H3C8: variants seen among roughly 807,000 people sequenced by gnomAD.
H3C8 encodes H3 clustered histone 8.
In H3C8, 15 loss-of-function variants were observed where a neutral mutation model predicts 7.9. The observed-to-expected ratio is 1.90, with a 90% CI of 1.27 to 2.93. The LOEUF (loss-of-function observed/expected upper bound fraction) is 2.93. Among genes scored for constraint, H3C8 ranks in the 30% most tolerant of loss-of-function variants. The pLI is 0.00. For synonymous variants in H3C8, 143 were observed against 77.6 expected (o/e 1.84, Z -4.43); for missense variants, 230 against 190.4 (o/e 1.21, Z -1.23).
At position 26,271,313 on chromosome 6, in the gene H3C8, C is replaced by T; in HGVS notation, c.72G>A (p.Lys24=). 1 of 1,614,018 alleles carries T rather than the reference C, an allele frequency of 6.2e-7. No individual in the cohort carries two copies. Among genetic ancestry groups the T allele is most frequent in the East Asian group, 2.2e-5 (1 of 44,880 alleles). The change falls in exon 1 of 1, where the codon AAG becomes AAA. Residue 24 remains lysine (K), a synonymous_variant. Transcript: ENST00000614378. The stretch of plus-strand genomic sequence containing the variant: ...TGGCCGGCGCGCTTTTCCGAGCCGC[C>T]TTAGTGGCCAGCTGCTTGCGCGGCG... ...GKAPRKQLAT[K]AARKSAPATG...
At position 26,271,017 on chromosome 6, in the gene H3C8, T is replaced by C. The variant is rs761320390; in HGVS notation, c.368A>G (p.Lys123Arg). Residue 123 changes from lysine to arginine, a missense_variant, in exon 1 of 1, where the codon AAG becomes AGG. Physicochemically the swap from Lys to Arg is conservative, Grantham distance 26. Transcript: ENST00000614378. ...IHAKRVTIMP[K>R]DIQLARRIRG... ...AATGCGGCGAGCGAGCTGAATGTCC[T>C]TGGGCATGATAGTCACTCGCTTAGC... 1.4e-5 allele frequency: 23 copies of C among 1,614,104 alleles called. No individual in the cohort carries two copies. The highest frequency in any genetic ancestry group is 1.9e-5 in the Non-Finnish European group (23 of 1,180,038).
Position 26,271,294 on chromosome 6 carries a change from G to C in H3C8, c.91C>G (p.Pro31Ala), listed in dbSNP as rs767676341. 4 of 1,613,988 alleles carry C rather than the reference G, an allele frequency of 2.5e-6. No individual in the cohort carries two copies. The highest frequency in any genetic ancestry group is 1.1e-5 in the South Asian group (1 of 91,080). ...LATKAARKSAPATGGVKKPHR... is the reference protein window; with the variant it reads ...LATKAARKSAAATGGVKKPHR... ...GGTTTCTTCACGCCGCCGGTGGCCG[G>C]CGCGCTTTTCCGAGCCGCCTTAGTG... The change falls in exon 1 of 1, where the codon CCG becomes GCG. Residue 31 changes from proline to alanine, a missense_variant. Physicochemically the swap from Pro to Ala is conservative, Grantham distance 27 (BLOSUM62 -1). Transcript: ENST00000614378.
At position 26,271,152 on chromosome 6, in the gene H3C8, T is replaced by C. The variant is rs772871936; in HGVS notation, c.233A>G (p.Asp78Gly). 6.2e-7 allele frequency: 1 copy of C among 1,614,252 alleles called. No homozygotes were observed. The highest frequency in any genetic ancestry group is 8.5e-7 in the Non-Finnish European group (1 of 1,180,044). The change falls in exon 1 of 1, where the codon GAC becomes GGC. Residue 78 changes from aspartate (D) to glycine (G), a missense_variant. By Grantham distance (94) the Asp-to-Gly change is moderately conservative. Coordinates refer to ENST00000614378, the MANE Select transcript of H3C8 (RefSeq NM_003534.3). ...CTGAAAGCGCAGATCTGTCTTGAAG[T>C]CCTGAGCGATTTCTCGCACCAGGCG... Reference protein sequence around the residue: ...FQRLVREIAQDFKTDLRFQSS... With the variant: ...FQRLVREIAQGFKTDLRFQSS...
rs1190162291 is a variant in H3C8 at position 26,271,257 on chromosome 6, C to CG, written c.127dup (p.Arg43ProfsTer18). The CG allele has an allele frequency of 1.0e-4, 166 of 1,614,144 alleles. No individual in the cohort carries two copies. The highest frequency in any genetic ancestry group is 1.6e-4 in the Middle Eastern group (1 of 6,084). On this transcript the variant is annotated frameshift_variant, in exon 1 of 1. Transcript: ENST00000614378. LOFTEE classifies it high-confidence loss of function. ...CTCGCGCAGAGCCACGGTGCCGGGACGGTAGCGATGAGGTTTCTTCACGCC... is the reference window on the plus strand; with the variant it reads ...CTCGCGCAGAGCCACGGTGCCGGGACGGGTAGCGATGAGGTTTCTTCACGCC...
chr6:26,271,231 T>C lies in H3C8; in HGVS notation c.154A>G (p.Ile52Val). The change falls in exon 1 of 1, where the codon ATT becomes GTT. Residue 52 changes from isoleucine to valine, a missense_variant. Coordinates refer to ENST00000614378, the MANE Select transcript of H3C8 (RefSeq NM_003534.3). ...TCAGTCGACTTCTGATAGCGGCGAA[T>C]CTCGCGCAGAGCCACGGTGCCGGGA... The part of the protein sequence containing the change: ...YRPGTVALRE[I>V]RRYQKSTELL... 6.2e-7 allele frequency: 1 copy of C among 1,614,244 alleles called. No individual in the cohort carries two copies. Among genetic ancestry groups the C allele is most frequent in the South Asian group, 1.1e-5 (1 of 91,092 alleles).
In H3C8 at chr6:26,271,310, C is replaced by T. The variant is rs1479569307; in HGVS notation, c.75G>A (p.Ala25=). 14 of 1,613,858 alleles carry T rather than the reference C, an allele frequency of 8.7e-6. No individual in the cohort carries two copies. The Admixed American group carries it at 2.3e-4, about 27-fold the overall frequency. The part of the protein sequence containing the change: ...KAPRKQLATK[A]ARKSAPATGG... ...CGGTGGCCGGCGCGCTTTTCCGAGCCGCCTTAGTGGCCAGCTGCTTGCGCG... is the reference window on the plus strand; with the variant it reads ...CGGTGGCCGGCGCGCTTTTCCGAGCTGCCTTAGTGGCCAGCTGCTTGCGCG... Residue 25 remains alanine (A), a synonymous_variant, in exon 1 of 1, where the codon GCG becomes GCA. Coordinates refer to ENST00000614378, the MANE Select transcript of H3C8 (RefSeq NM_003534.3).
At position 26,271,240 on chromosome 6, in the gene H3C8, G is replaced by A; in HGVS notation, c.145C>T (p.Leu49=). 5 of 1,614,268 alleles carry A rather than the reference G, an allele frequency of 3.1e-6. No homozygotes were observed. The highest frequency in any genetic ancestry group is 4.2e-6 in the Non-Finnish European group (5 of 1,180,040). Residue 49 remains leucine (L), a synonymous_variant, in exon 1 of 1, where the codon CTG becomes TTG. Transcript: ENST00000614378. The stretch of plus-strand genomic sequence containing the variant: ...TTCTGATAGCGGCGAATCTCGCGCA[G>A]AGCCACGGTGCCGGGACGGTAGCGA... The part of the protein sequence containing the change: ...PHRYRPGTVA[L]REIRRYQKST...
In H3C8 at chr6:26,271,209, G is replaced by A. The variant is rs561365414; in HGVS notation, c.176C>T (p.Thr59Ile). 2 of 1,614,282 alleles carry A rather than the reference G, an allele frequency of 1.2e-6. No individual in the cohort carries two copies. The highest frequency in any genetic ancestry group is 1.7e-6 in the Non-Finnish European group (2 of 1,180,048). ...AGGCAACTTGCGGATCAGCAGCTCA[G>A]TCGACTTCTGATAGCGGCGAATCTC... ...LREIRRYQKS[T>I]ELLIRKLPFQ... The change falls in exon 1 of 1, where the codon ACT becomes ATT. Residue 59 changes from threonine (T) to isoleucine (I), a missense_variant. By Grantham distance (89) the Thr-to-Ile change is moderately conservative. Transcript: ENST00000614378.
At position 26,271,112 on chromosome 6, in the gene H3C8, C is replaced by T. The variant is rs1275231301; in HGVS notation, c.273G>A (p.Met91Ile). 3 of 1,614,254 alleles carry T rather than the reference C, an allele frequency of 1.9e-6. No homozygotes were observed. Among genetic ancestry groups the T allele is most frequent in the Non-Finnish European group, 2.5e-6 (3 of 1,180,034 alleles). The part of the protein sequence containing the change: ...TDLRFQSSAV[M>I]ALQEACEAYL... ...AGGCCTCGCAGGCCTCCTGCAGGGC[C>T]ATCACCGCGGAACTCTGAAAGCGCA... The change falls in exon 1 of 1, where the codon ATG becomes ATA. Residue 91 changes from methionine to isoleucine, a missense_variant. Transcript: ENST00000614378.
Position 26,271,296 on chromosome 6 carries a change from G to A in H3C8, c.89C>T (p.Ala30Val), listed in dbSNP as rs1760451168. 2.5e-6 allele frequency: 4 copies of A among 1,613,850 alleles called. No homozygotes were observed. Among genetic ancestry groups the A allele is most frequent in the Non-Finnish European group, 3.4e-6 (4 of 1,179,986 alleles). Residue 30 changes from alanine (A) to valine (V), a missense_variant, in exon 1 of 1, where the codon GCG becomes GTG. By Grantham distance (64) the Ala-to-Val change is moderately conservative (BLOSUM62 0). Transcript: ENST00000614378. ...TTTCTTCACGCCGCCGGTGGCCGGCGCGCTTTTCCGAGCCGCCTTAGTGGC... is the reference window on the plus strand; with the variant it reads ...TTTCTTCACGCCGCCGGTGGCCGGCACGCTTTTCCGAGCCGCCTTAGTGGC... Reference protein sequence around the residue: ...QLATKAARKSAPATGGVKKPH... With the variant: ...QLATKAARKSVPATGGVKKPH...
In H3C8 at chr6:26,270,936, G is replaced by A. The variant is rs749515580; in HGVS notation, c.*38C>T. On this transcript the variant is annotated 3_prime_UTR_variant, in exon 1 of 1. Transcript: ENST00000614378. ...GTGAAAGTAGGCGGCTCTTAAAAGA[G>A]CCTTTTTAAGTTGGATAGAATTACT... The A allele has an allele frequency of 1.1e-5, 18 of 1,588,048 alleles. No homozygotes were observed. The South Asian group carries it at 1.4e-4, about 12-fold the overall frequency.
rs750976105 is a variant in H3C8 at position 26,271,181 on chromosome 6, G to A, written c.204C>T (p.Phe68=). 1.2e-6 allele frequency: 2 copies of A among 1,614,264 alleles called. No individual in the cohort carries two copies. The highest frequency in any genetic ancestry group is 1.7e-6 in the Non-Finnish European group (2 of 1,180,042). ...STELLIRKLP[F]QRLVREIAQD... is the part of the protein sequence containing the mutation. ...GAGCGATTTCTCGCACCAGGCGTTG[G>A]AAAGGCAACTTGCGGATCAGCAGCT... Residue 68 remains phenylalanine, a synonymous_variant, in exon 1 of 1, where the codon TTC becomes TTT. Transcript: ENST00000614378.
Position 26,271,295 on chromosome 6 carries a change from C to A in H3C8, c.90G>T (p.Ala30=), listed in dbSNP as rs773356226. The A allele has an allele frequency of 2.0e-5, 33 of 1,613,838 alleles. No homozygotes were observed. In the South Asian group the frequency reaches 2.9e-4, roughly 14 times the overall value. ...QLATKAARKS[A]PATGGVKKPH... ...GTTTCTTCACGCCGCCGGTGGCCGG[C>A]GCGCTTTTCCGAGCCGCCTTAGTGG... is the stretch of plus-strand genomic sequence containing the variant. The change falls in exon 1 of 1, where the codon GCG becomes GCT. Residue 30 remains alanine, a synonymous_variant. Coordinates refer to ENST00000614378, the MANE Select transcript of H3C8 (RefSeq NM_003534.3).
chr6:26,271,129 G>C lies in H3C8; in HGVS notation c.256C>G (p.Gln86Glu). 1 of 1,614,248 alleles carries C rather than the reference G, an allele frequency of 6.2e-7. No individual in the cohort carries two copies. Among genetic ancestry groups the C allele is most frequent in the Admixed American group, 1.7e-5 (1 of 60,036 alleles). Residue 86 changes from glutamine to glutamate, a missense_variant, in exon 1 of 1, where the codon CAG becomes GAG. Gln to Glu is a conservative substitution (Grantham distance 29, BLOSUM62 2). Coordinates refer to ENST00000614378, the MANE Select transcript of H3C8 (RefSeq NM_003534.3). ...TGCAGGGCCATCACCGCGGAACTCT[G>C]AAAGCGCAGATCTGTCTTGAAGTCC... ...AQDFKTDLRFQSSAVMALQEA... is the reference protein window; with the variant it reads ...AQDFKTDLRFESSAVMALQEA...
rs755365560 is a variant in H3C8 at position 26,271,255 on chromosome 6, G to A, written c.130C>T (p.Pro44Ser). ...ATCTCGCGCAGAGCCACGGTGCCGG[G>A]ACGGTAGCGATGAGGTTTCTTCACG... ...GGVKKPHRYR[P>S]GTVALREIRR... Residue 44 changes from proline to serine, a missense_variant, in exon 1 of 1, where the codon CCC becomes TCC. Coordinates refer to ENST00000614378, the MANE Select transcript of H3C8 (RefSeq NM_003534.3). 36 of 1,614,120 alleles carry A rather than the reference G, an allele frequency of 2.2e-5. No homozygotes were observed. Among genetic ancestry groups the A allele is most frequent in the Non-Finnish European group, 2.3e-5 (27 of 1,180,044 alleles).
chr6:26,271,286 G>C lies in H3C8; in HGVS notation c.99C>G (p.Thr33=), dbSNP rs536657609. ...TKAARKSAPA[T]GGVKKPHRYR... ...AGCGATGAGGTTTCTTCACGCCGCC[G>C]GTGGCCGGCGCGCTTTTCCGAGCCG... Residue 33 remains threonine, a synonymous_variant, in exon 1 of 1, where the codon ACC becomes ACG. Coordinates refer to ENST00000614378, the MANE Select transcript of H3C8 (RefSeq NM_003534.3). 3 of 1,614,006 alleles carry C rather than the reference G, an allele frequency of 1.9e-6. No homozygotes were observed. The highest frequency in any genetic ancestry group is 4.5e-5 in the East Asian group (2 of 44,886).
Position 26,271,262 on chromosome 6 carries a change from G to C in H3C8, c.123C>G (p.Arg41=). Residue 41 remains arginine, a synonymous_variant, in exon 1 of 1, where the codon CGC becomes CGG. Transcript: ENST00000614378. Reference sequence around the variant, plus strand: ...GCAGAGCCACGGTGCCGGGACGGTAGCGATGAGGTTTCTTCACGCCGCCGG... The same window carrying C: ...GCAGAGCCACGGTGCCGGGACGGTACCGATGAGGTTTCTTCACGCCGCCGG... ...PATGGVKKPH[R]YRPGTVALRE... is the part of the protein sequence containing the mutation. The C allele has an allele frequency of 6.2e-7, 1 of 1,614,248 alleles. No homozygotes were observed. Among genetic ancestry groups the C allele is most frequent in the African/African-American group, 1.3e-5 (1 of 75,076 alleles).
In H3C8 at chr6:26,271,381, C is replaced by G; in HGVS notation, c.4G>C (p.Ala2Pro). 1 of 1,606,710 alleles carries G rather than the reference C, an allele frequency of 6.2e-7. No individual in the cohort carries two copies. The highest frequency in any genetic ancestry group is 1.7e-4 in the Middle Eastern group (1 of 6,038). The change falls in exon 1 of 1, where the codon GCC becomes CCC. Residue 2 changes from alanine to proline, a missense_variant. Transcript: ENST00000614378. ...TTGCGTGCAGTCTGCTTGGTGCGGG[C>G]CATCTCAGACTACCTGAAAGAAAAA... M[A>P]RTKQTARKST...
rs759619814 is a variant in H3C8, at chr6:26,271,406, A to G, written c.-22T>C. 14 of 1,589,508 alleles carry G rather than the reference A, an allele frequency of 8.8e-6. No homozygotes were observed. In the African/African-American group the frequency reaches 1.8e-4, roughly 20 times the overall value. ...CCATCTCAGACTACCTGAAAGAAAA[A>G]CTCAGCCACTTGGCAGAGTGGAAAC... is the stretch of plus-strand genomic sequence containing the variant. On this transcript the variant is annotated 5_prime_UTR_variant, in exon 1 of 1. Transcript: ENST00000614378.
Sources: allele counts gnomAD v4.1 joint callset, GRCh38; gene constraint gnomAD v4.1.1; transcripts MANE v1.5; gene names NCBI Gene and HGNC (gene_info 2026-07-23, HGNC 2026-07-21).